Variants in ZNF385D observed in about 807,000 individuals in gnomAD.
The protein encoded by ZNF385D is zinc finger protein 659.
Under a neutral mutation model 35.8 loss-of-function variants are expected in ZNF385D, and 15 were observed. The ratio of observed to expected loss-of-function variants is 0.42; its 90% CI spans 0.28 to 0.64. The LOEUF is 0.64. ZNF385D is among the 30% of genes least tolerant of loss of function. ZNF385D has a pLI of 0.23. For missense variants in ZNF385D, 474 were observed against 494.6 expected (o/e 0.96, Z 0.39); for synonymous variants, 212 against 186.8 (o/e 1.13, Z -1.10).
chr3:21,476,053 C>A (rs1304053158), intron 4 of ZNF385D, among the ~76,000 whole-genome samples: 1 of 152,084 alleles, frequency 6.6e-6, no homozygotes, highest in Non-Finnish European at 1.5e-5. Flanking sequence ...GTTAAATATT[C>A]TTGATTATTT....
chr3:22,143,897 C>T (rs1162629193), intron 3 of ZNF385D, among the ~76,000 whole-genome samples: 2 of 152,114 alleles, frequency 1.3e-5, no homozygotes, highest in African/African-American at 4.8e-5. Flanking sequence ...ACACTAATAT[C>T]TTATTCATTT....
rs539786605 is a variant in ZNF385D, at chr3:22,304,231, G to C, written c.106+68219C>G. Among the ~76,000 whole-genome samples, 555 of 152,134 alleles carry C rather than the reference G, an allele frequency of 3.6e-3. 4 individuals carry two copies. The highest frequency in any genetic ancestry group is 0.011 in the African/African-American group (471 of 41,506). Reference sequence around the variant, plus strand: ...ATCCCTGTATGCATTTTCTAATTAGGTATGATATTTTAATCAGAAATGTGT... The same window carrying C: ...ATCCCTGTATGCATTTTCTAATTAGCTATGATATTTTAATCAGAAATGTGT... On this transcript the variant is annotated intron_variant, in intron 2 of 5. Coordinates refer to the ZNF385D transcript ENST00000494108.
intron 3 of ZNF385D, among the ~76,000 whole-genome samples, chr3:21,515,209 G>A (rs1329309953): frequency 6.6e-6 from 1 of 152,064 alleles, no homozygotes; most frequent in East Asian, 1.9e-4. Flanking sequence ...ATCTTATTTG[G>A]CTAAATAAGA....
At chr3:21,468,781 G>A (rs777472356) in intron 4 of ZNF385D, among the ~76,000 whole-genome samples, 30 of 151,960 alleles carry the variant, frequency 2.0e-4, no homozygotes, top group East Asian at 9.8e-4. Context: ...AAAATTAGCC[G>A]GGCGTAGTGG....
At chr3:21,807,475 C>G (rs1000867052) in intron 3 of ZNF385D, among the ~76,000 whole-genome samples, 2 of 151,958 alleles carry the variant, frequency 1.3e-5, no homozygotes, top group Admixed American at 6.6e-5. Flanking sequence ...AAAGAGAAAA[C>G]CAACAACAGA....
intron 3 of ZNF385D, among the ~76,000 whole-genome samples, chr3:21,972,148 A>G (rs1050874651): frequency 2.6e-5 from 4 of 152,064 alleles, no homozygotes; most frequent in Admixed American, 1.3e-4. Flanking sequence ...GCTGCAGAAT[A>G]TACATTCTTT....
At chr3:22,036,605 AAC>A (rs548231512) in intron 3 of ZNF385D, among the ~76,000 whole-genome samples, 150 of 152,272 alleles carry the variant, frequency 9.9e-4, no homozygotes, top group African/African-American at 3.3e-3. Context: ...ATAATCATAA[AAC>A]AGTTTGGTTG....
chr3:21,968,612 TG>T (rs1703047660), intron 3 of ZNF385D, among the ~76,000 whole-genome samples: 1 of 152,126 alleles, frequency 6.6e-6, no homozygotes, highest in South Asian at 2.1e-4. Context: ...AGACACACCC[TG>T]GGCCAGAAAG....
chr3:22,264,464 CAGAGCCT>C (rs1480735183), intron 2 of ZNF385D, among the ~76,000 whole-genome samples: 1 of 151,964 alleles, frequency 6.6e-6, no homozygotes, highest in Non-Finnish European at 1.5e-5. Context: ...ATGCATGGGT[CAGAGCCT>C]AGAGGCTAAT....
intron 3 of ZNF385D, among the ~76,000 whole-genome samples, chr3:21,558,234 T>C (rs1372464422): frequency 2.0e-5 from 3 of 152,076 alleles, no homozygotes; most frequent in Non-Finnish European, 4.4e-5. Flanking sequence ...CTAGTTCTTT[T>C]AATTGTGATG....
At chr3:22,171,114 G>A (rs1694388705) in intron 2 of ZNF385D, among the ~76,000 whole-genome samples, 1 of 57,874 alleles carries the variant, frequency 1.7e-5, no homozygotes, top group Admixed American at 1.4e-4. Flanking sequence ...CATTTATTAT[G>A]AAAAAATAAA....
At chr3:21,813,649 A>G (rs937609558) in intron 3 of ZNF385D, among the ~76,000 whole-genome samples, 2 of 152,098 alleles carry the variant, frequency 1.3e-5, no homozygotes, top group African/African-American at 4.8e-5. Flanking sequence ...AGAAGTTTAG[A>G]GAAAAAAGAG....
intron 2 of ZNF385D, among the ~76,000 whole-genome samples, chr3:21,610,727 AT>A (rs2064647333): frequency 6.6e-6 from 1 of 151,654 alleles, no homozygotes; most frequent in South Asian, 2.1e-4. Flanking sequence ...GTGAGCCGAG[AT>A]CGCGCCACTG....
chr3:21,537,124 C>CTTTTTT (rs35873199), intron 3 of ZNF385D, among the ~76,000 whole-genome samples: 13 of 95,008 alleles, frequency 1.4e-4, no homozygotes, highest in East Asian at 7.0e-4. Flanking sequence ...AAAATATCAA[C>CTTTTTT]TTTTTTTTTT....
intron 3 of ZNF385D, among the ~76,000 whole-genome samples, chr3:21,815,674 T>C (rs891386635): frequency 2.0e-5 from 3 of 152,140 alleles, no homozygotes; most frequent in African/African-American, 7.2e-5. Flanking sequence ...GCTCTGAAAT[T>C]GAGATAATAA....
At chr3:22,248,036 C>T (rs947760757) in intron 2 of ZNF385D, among the ~76,000 whole-genome samples, 2 of 152,118 alleles carry the variant, frequency 1.3e-5, no homozygotes, top group Non-Finnish European at 2.9e-5. Context: ...TTTAAGTCAA[C>T]AAAACAATGA....
At chr3:22,172,503 C>A (rs1694527453) in intron 2 of ZNF385D, among the ~76,000 whole-genome samples, 1 of 152,170 alleles carries the variant, frequency 6.6e-6, no homozygotes, top group Non-Finnish European at 1.5e-5. Context: ...CTGACGTAAG[C>A]TGAAATGTCA....
chr3:21,597,353 G>T (rs548008240), intron 2 of ZNF385D, among the ~76,000 whole-genome samples: 1 of 145,598 alleles, frequency 6.9e-6, no homozygotes, highest in Non-Finnish European at 1.5e-5. Flanking sequence ...GTTAAAAACT[G>T]TTAATTCAAA....
At chr3:22,195,877 G>A (rs566871696) in intron 2 of ZNF385D, among the ~76,000 whole-genome samples, 2 of 152,038 alleles carry the variant, frequency 1.3e-5, no homozygotes, top group East Asian at 3.9e-4. Flanking sequence ...TTGCAGGGAC[G>A]TGGATGGAGC....
Sources: gnomAD v4.1 joint callset for allele counts (sites outside exome capture counted in the v4.1 genomes callset) on GRCh38, gnomAD v4.1.1 for gene constraint, MANE v1.5 for transcripts, NCBI Gene and HGNC (gene_info 2026-07-23, HGNC 2026-07-21) for gene names.